PRKG1: variants seen among roughly 807,000 people sequenced by gnomAD.
PRKG1 encodes the protein cGMP-dependent protein kinase 1.
PRKG1 carries 35 observed loss-of-function variants against 88.1 expected under a neutral mutation model. The observed-to-expected ratio is 0.40, with a 90% CI of 0.30 to 0.53. The LOEUF (loss-of-function observed/expected upper bound fraction) is 0.53. Ranked by LOEUF, PRKG1 falls within the 20% of genes least tolerant of loss-of-function variation. The probability of loss-of-function intolerance (pLI) is 0.59; values close to 1 mark genes in which losing one functional copy is unlikely to be tolerated. For missense variants in PRKG1, 540 were observed against 839.8 expected (o/e 0.64, Z 4.41); for synonymous variants, 303 against 292.5 (o/e 1.04, Z -0.37).
intron 2 of PRKG1, among the ~76,000 whole-genome samples, chr10:51,409,356 A>C (rs1221541011): frequency 2.0e-5 from 3 of 151,994 alleles, no homozygotes; most frequent in Non-Finnish European, 2.9e-5. Flanking sequence ...CATGTAACTT[A>C]CTTCTGCCTT....
chr10:51,683,253 C>T (rs746256603), intron 3 of PRKG1, among the ~76,000 whole-genome samples: 3 of 152,066 alleles, frequency 2.0e-5, no homozygotes, highest in Admixed American at 1.3e-4. Flanking sequence ...GAGGCCAAGG[C>T]GGAGGTTGCA....
At chr10:51,530,808 TG>T (rs1020786183) in intron 3 of PRKG1, among the ~76,000 whole-genome samples, 2 of 152,176 alleles carry the variant, frequency 1.3e-5, no homozygotes, top group African/African-American at 4.8e-5. Flanking sequence ...TTTTGTCTGA[TG>T]GGAAACCCTT....
chr10:52,066,308 A>T (rs1846352969), intron 7 of PRKG1, among the ~76,000 whole-genome samples: 1 of 152,182 alleles, frequency 6.6e-6, no homozygotes, highest in Non-Finnish European at 1.5e-5. Context: ...TTATGTCCTC[A>T]ACTGTATTTC....
intron 7 of PRKG1, among the ~76,000 whole-genome samples, chr10:52,070,624 C>T (rs1846473194): frequency 6.6e-6 from 1 of 152,112 alleles, no homozygotes; most frequent in Non-Finnish European, 1.5e-5. Flanking sequence ...CTAGACCTAA[C>T]CTCATCATCA....
At chr10:51,941,422 G>A (rs1409909883) in intron 5 of PRKG1, among the ~76,000 whole-genome samples, 1 of 151,554 alleles carries the variant, frequency 6.6e-6, no homozygotes, top group African/African-American at 2.4e-5. Flanking sequence ...TTTATATTTT[G>A]ATCACACGTG....
At chr10:51,296,339 G>A (rs1840720173) in intron 2 of PRKG1, among the ~76,000 whole-genome samples, 1 of 151,854 alleles carries the variant, frequency 6.6e-6, no homozygotes, top group Non-Finnish European at 1.5e-5. Context: ...TTTTGATTAC[G>A]GACTGAAATA....
intron 3 of PRKG1, among the ~76,000 whole-genome samples, chr10:51,559,744 C>T (rs1015416078): frequency 2.0e-5 from 3 of 151,984 alleles, no homozygotes; most frequent in Non-Finnish European, 2.9e-5. Context: ...GCAAGATAAT[C>T]ATAAACAAAT....
intron 2 of PRKG1, among the ~76,000 whole-genome samples, chr10:51,281,711 C>T (rs191232990): frequency 2.0e-5 from 3 of 152,246 alleles, no homozygotes; most frequent in East Asian, 1.9e-4. Flanking sequence ...TTTCTTATGG[C>T]CTATCATTTA....
intron 1 of PRKG1, among the ~76,000 whole-genome samples, chr10:51,017,110 A>T (rs1169161618): frequency 6.6e-6 from 1 of 151,910 alleles, no homozygotes; most frequent in Non-Finnish European, 1.5e-5. Context: ...CGACTAAATT[A>T]TTCTTTCTGC....
chr10:51,213,200 G>T (rs1009914998), intron 2 of PRKG1, among the ~76,000 whole-genome samples: 2 of 151,968 alleles, frequency 1.3e-5, no homozygotes, highest in African/African-American at 4.8e-5. Flanking sequence ...TCATTCTCTA[G>T]CAAGCTATCG....
chr10:51,963,547 C>T (rs889537108), intron 5 of PRKG1, among the ~76,000 whole-genome samples: 1 of 152,014 alleles, frequency 6.6e-6, no homozygotes, highest in South Asian at 2.1e-4. Context: ...GCAACTTTTA[C>T]CTCCTGGGTT....
chr10:51,236,924 G>C (rs1307439707), intron 2 of PRKG1, among the ~76,000 whole-genome samples: 1 of 152,176 alleles, frequency 6.6e-6, no homozygotes, highest in Non-Finnish European at 1.5e-5. Context: ...TATCCCAGTA[G>C]AGTTCTGGTC....
chr10:51,339,403 G>C (rs554302799), intron 2 of PRKG1, among the ~76,000 whole-genome samples: 1 of 152,006 alleles, frequency 6.6e-6, no homozygotes, highest in Admixed American at 6.6e-5. Flanking sequence ...AATTCATCCT[G>C]AAATATTTAT....
chr10:52,144,370 A>G (rs1837670763), intron 8 of PRKG1, among the ~76,000 whole-genome samples: 1 of 152,244 alleles, frequency 6.6e-6, no homozygotes, highest in Admixed American at 6.5e-5. Context: ...AGAAACCAAC[A>G]GAGAACCATT....
At chr10:51,584,108 A>G (rs1838112212) in intron 3 of PRKG1, among the ~76,000 whole-genome samples, 3 of 152,096 alleles carry the variant, frequency 2.0e-5, no homozygotes. Flanking sequence ...TGGAGAATTA[A>G]TTAGTTTCCA....
intron 9 of PRKG1, among the ~76,000 whole-genome samples, chr10:52,167,208 A>G (rs1185087208): frequency 6.6e-6 from 1 of 152,090 alleles, no homozygotes; most frequent in Non-Finnish European, 1.5e-5. Context: ...TCATGGCAGA[A>G]GGCAACAGGG....
At chr10:51,948,941 G>A (rs76493877) in intron 5 of PRKG1, among the ~76,000 whole-genome samples, 1 of 152,112 alleles carries the variant, frequency 6.6e-6, no homozygotes, top group Non-Finnish European at 1.5e-5. Flanking sequence ...CTATTTGTGT[G>A]CATGTTTTTG....
intron 1 of PRKG1, among the ~76,000 whole-genome samples, chr10:51,125,208 C>CA (rs1845366078): frequency 6.6e-6 from 1 of 151,876 alleles, no homozygotes; most frequent in Admixed American, 6.6e-5. Flanking sequence ...GCTGTGGTCC[C>CA]AGCTACTCAT....
intron 2 of PRKG1, among the ~76,000 whole-genome samples, chr10:51,392,897 C>T (rs531411023): frequency 1.8e-5 from 2 of 113,450 alleles, no homozygotes; most frequent in African/African-American, 6.6e-5. Flanking sequence ...GGCGGCTGGC[C>T]GGGTGGGGGG....
Sources: allele counts gnomAD v4.1 joint callset (sites outside exome capture counted in the v4.1 genomes callset), GRCh38; gene constraint gnomAD v4.1.1; transcripts MANE v1.5; gene names NCBI Gene and HGNC (gene_info 2026-07-23, HGNC 2026-07-21).